ACTN2: variants seen among roughly 807,000 people sequenced by gnomAD.
ACTN2 encodes alpha-actinin-2.
ACTN2 carries 39 observed loss-of-function variants against 113.8 expected under a neutral mutation model. That is an observed-to-expected ratio of 0.34 (90% CI 0.27 to 0.45). ACTN2 has a LOEUF of 0.45. ACTN2 is among the 20% of genes least tolerant of loss of function. The pLI, the probability that ACTN2 is intolerant of heterozygous loss-of-function variation, is 1.00. For missense variants in ACTN2, 992 were observed against 1,177.9 expected (o/e 0.84, Z 2.31); for synonymous variants, 429 against 444.1 (o/e 0.97, Z 0.43).
chr1:236,738,758 C>T (rs1435703849), intron 9 of ACTN2, among the ~76,000 whole-genome samples: 1 of 152,214 alleles, frequency 6.6e-6, no homozygotes, highest in Non-Finnish European at 1.5e-5. Flanking sequence ...ACCACGTTCG[C>T]TTTTATCATG....
intron 1 of ACTN2, among the ~76,000 whole-genome samples, chr1:236,707,195 A>C (rs903350363): frequency 2.0e-5 from 3 of 152,238 alleles, no homozygotes; most frequent in Admixed American, 2.0e-4. Context: ...AACACTTTCT[A>C]ACCAGAGGAA....
chr1:236,722,531 C>A (rs977717677), intron 4 of ACTN2, among the ~76,000 whole-genome samples: 1 of 147,360 alleles, frequency 6.8e-6, no homozygotes, highest in East Asian at 2.1e-4. Flanking sequence ...GCTACTCAGG[C>A]GGCTAAGGCA....
chr1:236,695,571 C>CT (rs960576323), intron 1 of ACTN2, among the ~76,000 whole-genome samples: 1 of 122,120 alleles, frequency 8.2e-6, no homozygotes, highest in Non-Finnish European at 1.7e-5. Flanking sequence ...GTTCCCCCCC[C>CT]CTGCCCAGAT....
intron 5 of ACTN2, among the ~76,000 whole-genome samples, chr1:236,726,837 G>A (rs1658563702): frequency 6.6e-6 from 1 of 152,238 alleles, no homozygotes; most frequent in African/African-American, 2.4e-5. Context: ...TTTGGCAGAT[G>A]AGAGGAGCTA....
At position 236,747,790 on chromosome 1, in the gene ACTN2, C is replaced by A; in HGVS notation, c.1515+15C>A. 2.5e-6 allele frequency: 4 copies of A among 1,571,100 alleles called. No homozygotes were observed. Among genetic ancestry groups the A allele is most frequent in the Non-Finnish European group, 3.5e-6 (4 of 1,141,644 alleles). Reference sequence around the variant, plus strand: ...AAGCCCTAGAGGTGAAGTATTGAAGCCACTTGTTGACATGAAATCTTTTAA... The same window carrying A: ...AAGCCCTAGAGGTGAAGTATTGAAGACACTTGTTGACATGAAATCTTTTAA... On this transcript the variant is annotated intron_variant, in intron 13 of 20. Transcript: ENST00000366578.
chr1:236,705,633 C>T (rs115062754), intron 1 of ACTN2, among the ~76,000 whole-genome samples: 178 of 152,340 alleles, frequency 1.2e-3, no homozygotes, highest in Non-Finnish European at 2.3e-3. Context: ...AGAAGGGCTG[C>T]TTATGGACAA....
chr1:236,747,402 C>T (rs1328358306), intron 12 of ACTN2, among the ~76,000 whole-genome samples: 1 of 151,958 alleles, frequency 6.6e-6, no homozygotes, highest in African/African-American at 2.4e-5. Context: ...TACATGTGGC[C>T]AAGTCAGGGT....
chr1:236,692,738 C>T (rs1020179083), intron 1 of ACTN2, among the ~76,000 whole-genome samples: 1 of 152,124 alleles, frequency 6.6e-6, no homozygotes, highest in Non-Finnish European at 1.5e-5. Context: ...CCCGGGGTTG[C>T]CCTAGGCCTT....
chr1:236,719,957 A>G (rs1439251830), intron 3 of ACTN2, 148 bp from the exon 4 acceptor site: 25 of 660,608 alleles, frequency 3.8e-5, no homozygotes, highest in Non-Finnish European at 6.3e-5. Context: ...ATAACCAGAC[A>G]TACTGCGGTG....
At chr1:236,709,251 TATATACACAC>T (rs1304063743) in intron 1 of ACTN2, among the ~76,000 whole-genome samples, 1 of 59,760 alleles carries the variant, frequency 1.7e-5, no homozygotes, top group South Asian at 4.8e-4. Context: ...TATATATATA[TATATACACAC>T]ACACACACAC....
chr1:236,750,057 G>A (rs1195928415), intron 14 of ACTN2, among the ~76,000 whole-genome samples: 2 of 152,148 alleles, frequency 1.3e-5, no homozygotes, highest in East Asian at 1.9e-4. Context: ...TCTGCTTATA[G>A]TTTTTTCTGG....
chr1:236,743,128 T>C, intron 11 of ACTN2, 85 bp downstream of exon 11: 1 of 1,512,142 alleles, frequency 6.6e-7, no homozygotes, highest in Admixed American at 1.7e-5. Context: ...ACTAACTCTG[T>C]GCCTAATGTC....
rs751349296 is a variant in ACTN2, at chr1:236,739,339, A to C, written c.914A>C (p.Glu305Ala). ...EWIRRTIPWL[E>A]NRTPEKTMQA... Reference sequence around the variant, plus strand: ...ATTCGTCGCACGATCCCCTGGCTGGAGAACCGGACTCCCGAGAAGACCATG... The same window carrying C: ...ATTCGTCGCACGATCCCCTGGCTGGCGAACCGGACTCCCGAGAAGACCATG... The change falls in exon 10 of 21, where the codon GAG becomes GCG. Residue 305 changes from glutamate (E) to alanine (A), a missense_variant. By Grantham distance (107) the Glu-to-Ala change is moderately radical (BLOSUM62 -1). Transcript: ENST00000366578. The C allele has an allele frequency of 6.2e-7, 1 of 1,614,040 alleles. No individual in the cohort carries two copies. The highest frequency in any genetic ancestry group is 2.2e-5 in the East Asian group (1 of 44,864).
Position 236,762,742 on chromosome 1 carries a change from C to G in ACTN2, c.*123C>G. On this transcript the variant is annotated 3_prime_UTR_variant, in exon 21 of 21. Transcript: ENST00000366578. ...AGAGAGAGAGGGGAAAAAAAAAAGC[C>G]TTTCGTAGTTCAGTAATTGCCAGCA... 7.8e-7 allele frequency: 1 copy of G among 1,287,874 alleles called. No homozygotes were observed. The highest frequency in any genetic ancestry group is 2.0e-5 in the Admixed American group (1 of 50,472). 79.8% of individuals were successfully genotyped at this position (1,287,874 alleles called of 1,614,324 possible).
rs1436358024 is a variant in ACTN2 at position 236,758,891 on chromosome 1, G to A, written c.2302-833G>A. Among the ~76,000 whole-genome samples, 7 of 152,202 alleles carry A rather than the reference G, an allele frequency of 4.6e-5. No individual in the cohort carries two copies. In the East Asian group the frequency reaches 1.3e-3, roughly 29 times the overall value. ...CTGCCTCAGCCTCCCAAAGTGCTGA[G>A]CTTACAGGCGTGAGCCACCACGACT... On this transcript the variant is annotated intron_variant, in intron 18 of 20. Coordinates refer to ENST00000366578, the MANE Select transcript of ACTN2 (RefSeq NM_001103.4).
intron 1 of ACTN2, among the ~76,000 whole-genome samples, chr1:236,713,279 G>C (rs1012535535): frequency 4.0e-5 from 6 of 150,096 alleles, no homozygotes; most frequent in African/African-American, 1.5e-4. Flanking sequence ...CCAGGCTGTA[G>C]TGCAATGGCA....
intron 1 of ACTN2, among the ~76,000 whole-genome samples, chr1:236,709,180 CT>C (rs1657922133): frequency 1.5e-5 from 2 of 136,962 alleles, no homozygotes; most frequent in African/African-American, 5.5e-5. Context: ...TCTCAATAAT[CT>C]TTTGAACTAT....
rs994832204 is a variant in ACTN2 at position 236,742,540 on chromosome 1, A to C, written c.1108-356A>C. Among the ~76,000 whole-genome samples the C allele has an allele frequency of 1.5e-4, 23 of 152,090 alleles. No homozygotes were observed. In the East Asian group the frequency reaches 3.7e-3, roughly 24 times the overall value. On this transcript the variant is annotated intron_variant, in intron 10 of 20. Transcript: ENST00000366578. ...ATAGCGAGACTCCATTTCTTTAAAA[A>C]AAAACAAAACAATAATCATAATAAA...
At chr1:236,715,492 T>A (rs918026493) in intron 1 of ACTN2, among the ~76,000 whole-genome samples, 1 of 152,140 alleles carries the variant, frequency 6.6e-6, no homozygotes, top group African/African-American at 2.4e-5. Flanking sequence ...ATGATAGGAA[T>A]GTTGTATATT....
Sources: gnomAD v4.1 joint callset for allele counts (sites outside exome capture counted in the v4.1 genomes callset) on GRCh38, gnomAD v4.1.1 for gene constraint, MANE v1.5 for transcripts, NCBI Gene and HGNC (gene_info 2026-07-23, HGNC 2026-07-21) for gene names.